Variants in GNA14 observed in about 807,000 individuals in gnomAD.
GNA14 encodes guanine nucleotide-binding protein subunit alpha-14.
In GNA14, 50 loss-of-function variants were observed where a neutral mutation model predicts 42.0. The ratio of observed to expected loss-of-function variants is 1.19; its 90% CI spans 0.95 to 1.51. GNA14 has a LOEUF of 1.51. GNA14 is among the 40% of genes most tolerant of loss of function. The pLI, the probability that GNA14 is intolerant of heterozygous loss-of-function variation, is 0.00. For missense variants in GNA14, 473 were observed against 446.2 expected, an observed-to-expected ratio of 1.06 and a Z score of -0.54; for synonymous variants, 173 against 163.1, an observed-to-expected ratio of 1.06 and a Z score of -0.46.
chr9:77,543,020 G>C (rs1240949327), intron 1 of GNA14, among the ~76,000 whole-genome samples: 1 of 152,154 alleles, frequency 6.6e-6, no homozygotes, highest in Non-Finnish European at 1.5e-5. Flanking sequence ...AGGCCACTCA[G>C]TGGGAGCTGC....
At chr9:77,611,164 TAAG>T (rs1451819736) in intron 1 of GNA14, among the ~76,000 whole-genome samples, 1 of 152,180 alleles carries the variant, frequency 6.6e-6, no homozygotes, top group Non-Finnish European at 1.5e-5. Flanking sequence ...TATCAAGAAC[TAAG>T]AAGGGTTGGA....
chr9:77,615,477 C>A (rs1239669246), intron 1 of GNA14, among the ~76,000 whole-genome samples: 4 of 152,122 alleles, frequency 2.6e-5, no homozygotes, highest in Admixed American at 2.6e-4. Flanking sequence ...GGAGACAGCA[C>A]TTTCTGCTCT....
Position 77,481,236 on chromosome 9 carries a change from C to A in GNA14, c.310-46714G>T, listed in dbSNP as rs897736267. Among the ~76,000 whole-genome samples, 24 of 152,282 alleles carry A rather than the reference C, an allele frequency of 1.6e-4. No homozygotes were observed. The South Asian group carries it at 1.9e-3, about 12-fold the overall frequency. On this transcript the variant is annotated intron_variant, in intron 2 of 6. Transcript: ENST00000341700. ...CTGCTTTGAATGTGTCCCAGAGATT[C>A]TGGTGTGTTGTGTCTTTGTTCTCAT...
At chr9:77,602,675 T>G (rs1303920571) in intron 1 of GNA14, among the ~76,000 whole-genome samples, 1 of 152,218 alleles carries the variant, frequency 6.6e-6, no homozygotes, top group African/African-American at 2.4e-5. Flanking sequence ...CTTTCCTTTT[T>G]TCTCATTTAT....
intron 1 of GNA14, among the ~76,000 whole-genome samples, chr9:77,532,464 T>C (rs1035764485): frequency 3.9e-5 from 6 of 152,198 alleles, no homozygotes; most frequent in African/African-American, 1.4e-4. Context: ...TCAATCTGTC[T>C]TATAATGACA....
Position 77,647,865 on chromosome 9 carries a change from C to G in GNA14, c.-72G>C. 1 of 1,541,524 alleles carries G rather than the reference C, an allele frequency of 6.5e-7. No homozygotes were observed. Among genetic ancestry groups the G allele is most frequent in the East Asian group, 2.4e-5 (1 of 42,028 alleles). On this transcript the variant is annotated 5_prime_UTR_variant, in exon 1 of 7. Transcript: ENST00000341700. ...CCGAATCCTCGGCCCGGCCGCTCAC[C>G]CGGCCAGCATGCGACGGGCACAGGG...
chr9:77,459,103 G>A (rs1021102530), intron 2 of GNA14, among the ~76,000 whole-genome samples: 4 of 152,162 alleles, frequency 2.6e-5, no homozygotes, highest in Admixed American at 1.3e-4. Flanking sequence ...GGGTGTGGTG[G>A]CACGCGCCTG....
chr9:77,606,720 A>G (rs1229413710), intron 1 of GNA14, among the ~76,000 whole-genome samples: 1 of 152,180 alleles, frequency 6.6e-6, no homozygotes. Flanking sequence ...AAAAGGTGTA[A>G]GCCTCAACAT....
intron 1 of GNA14, among the ~76,000 whole-genome samples, chr9:77,554,943 T>C (rs948781414): frequency 9.9e-5 from 15 of 152,128 alleles, no homozygotes; most frequent in Admixed American, 2.0e-4. Context: ...TAACAAAACG[T>C]TGGTGGATGT....
chr9:77,451,058 C>G (rs1276804778), intron 2 of GNA14, among the ~76,000 whole-genome samples: 2 of 152,158 alleles, frequency 1.3e-5, no homozygotes, highest in Admixed American at 1.3e-4. Flanking sequence ...CTTATAGCAG[C>G]ATGAGAACAG....
Position 77,633,081 on chromosome 9 carries a change from T to C in GNA14, c.124+14589A>G, listed in dbSNP as rs34341919. 6.7e-3 allele frequency among the ~76,000 whole-genome samples: 1,027 copies of C among 152,280 alleles called. 11 individuals carry two copies. The highest frequency in any genetic ancestry group is 0.02 in the Middle Eastern group (6 of 294). On this transcript the variant is annotated intron_variant, in intron 1 of 6. Transcript: ENST00000341700. Reference sequence around the variant, plus strand: ...CTATACAAGTTGCTGAGGATTCTCATGTTACAATAGTCTCTACACTCATAA... The same window carrying C: ...CTATACAAGTTGCTGAGGATTCTCACGTTACAATAGTCTCTACACTCATAA...
chr9:77,455,543 G>A (rs73456137), intron 2 of GNA14, among the ~76,000 whole-genome samples: 12,074 of 152,226 alleles, frequency 0.079, 614 homozygotes, highest in African/African-American at 0.14. Context: ...CCAGCACATG[G>A]TCTTGTTCCC....
intron 1 of GNA14, among the ~76,000 whole-genome samples, chr9:77,603,943 CA>C (rs1289614764): frequency 4.7e-4 from 19 of 40,182 alleles, no homozygotes; most frequent in African/African-American, 4.9e-4. Flanking sequence ...GACTCCATCT[CA>C]AAAAAAAAAA....
At chr9:77,425,060 TAAG>T (rs1835433326) in intron 6 of GNA14, among the ~76,000 whole-genome samples, 1 of 152,034 alleles carries the variant, frequency 6.6e-6, no homozygotes, top group African/African-American at 2.4e-5. Flanking sequence ...AACATACACA[TAAG>T]AAGCACCAGG....
intron 2 of GNA14, among the ~76,000 whole-genome samples, chr9:77,515,356 C>G (rs1837235353): frequency 1.3e-5 from 2 of 152,138 alleles, no homozygotes; most frequent in South Asian, 4.1e-4. Context: ...AAGTCCTGGG[C>G]TTGAAGGAGC....
At chr9:77,528,998 G>A in intron 2 of GNA14, 71 bp downstream of exon 2, 8 of 1,285,858 alleles carry the variant, frequency 6.2e-6, no homozygotes, top group Non-Finnish European at 9.0e-6. Context: ...AGCACTGAGG[G>A]AATCTTTGTG....
At chr9:77,487,490 T>C (rs891745938) in intron 2 of GNA14, among the ~76,000 whole-genome samples, 3 of 113,074 alleles carry the variant, frequency 2.7e-5, no homozygotes, top group South Asian at 3.0e-4. Flanking sequence ...TGCTATCTTA[T>C]GGTATTTTTG....
intron 1 of GNA14, among the ~76,000 whole-genome samples, chr9:77,556,853 TG>T (rs1822788875): frequency 1.3e-5 from 2 of 152,218 alleles, no homozygotes; most frequent in South Asian, 4.1e-4. Context: ...TTCAGCCGTT[TG>T]GGGAGGATGC....
intron 1 of GNA14, among the ~76,000 whole-genome samples, chr9:77,596,513 A>G (rs758176917): frequency 6.6e-6 from 1 of 152,144 alleles, no homozygotes; most frequent in Non-Finnish European, 1.5e-5. Context: ...GCATCCCATA[A>G]TAAGTGCCTC....
Sources: gnomAD v4.1 joint callset for allele counts (sites outside exome capture counted in the v4.1 genomes callset) on GRCh38, gnomAD v4.1.1 for gene constraint, MANE v1.5 for transcripts, NCBI Gene and HGNC (gene_info 2026-07-23, HGNC 2026-07-21) for gene names.